RGS7BP: variants seen among roughly 807,000 people sequenced by gnomAD.
The protein encoded by RGS7BP is regulator of G protein signaling 7-binding protein.
Under a neutral mutation model 31.3 loss-of-function variants are expected in RGS7BP, and 9 were observed. That is an observed-to-expected ratio of 0.29 (90% CI 0.17 to 0.50). RGS7BP has a LOEUF of 0.50. Among genes scored for constraint, RGS7BP ranks in the 20% least tolerant of loss-of-function variants. The probability of loss-of-function intolerance (pLI) is 0.98; values close to 1 mark genes in which losing one functional copy is unlikely to be tolerated. For missense variants in RGS7BP, 274 were observed against 322.0 expected, an observed-to-expected ratio of 0.85 and a Z score of 1.14; for synonymous variants, 115 against 120.1, an observed-to-expected ratio of 0.96 and a Z score of 0.28.
intron 2 of RGS7BP, among the ~76,000 whole-genome samples, chr5:64,530,420 T>TA (rs1484675309): frequency 2.0e-5 from 3 of 152,252 alleles, no homozygotes; most frequent in Non-Finnish European, 4.4e-5. Flanking sequence ...GCTTTCGTGA[T>TA]AAAAATAATC....
chr5:64,550,887 A>G (rs1368548516), intron 2 of RGS7BP, among the ~76,000 whole-genome samples: 3 of 151,744 alleles, frequency 2.0e-5, no homozygotes, highest in African/African-American at 7.3e-5. Flanking sequence ...AGTTTCATCC[A>G]TGTCCTTACA....
intron 2 of RGS7BP, among the ~76,000 whole-genome samples, chr5:64,571,816 TG>T (rs1742306919): frequency 6.6e-6 from 1 of 152,156 alleles, no homozygotes; most frequent in Non-Finnish European, 1.5e-5. Context: ...ATTTATAATT[TG>T]GTCATTATTT....
At position 64,611,585 on chromosome 5, in the gene RGS7BP, G is replaced by C. The variant is rs1440384557; in HGVS notation, c.*2333G>C. The stretch of plus-strand genomic sequence containing the variant: ...AGATGGGAATTTGTCTAATTACCTA[G>C]CCAGAGTTTGCATATTTAAGGTAAT... On this transcript the variant is annotated 3_prime_UTR_variant, in exon 6 of 6. Transcript: ENST00000334025. 6.6e-6 allele frequency: 1 copy of C among 152,216 alleles called. No individual in the cohort carries two copies. The highest frequency in any genetic ancestry group is 1.9e-4 in the East Asian group (1 of 5,158). 9.4% of individuals were successfully genotyped at this position (152,216 alleles called of 1,614,324 possible). A position where few individuals can be genotyped will look rare whatever the true frequency, so the allele number is the denominator to read the frequency against.
At chr5:64,507,953 C>A in intron 2 of RGS7BP, 76 bp downstream of exon 2, 1 of 1,225,626 alleles carries the variant, frequency 8.2e-7, no homozygotes, top group Non-Finnish European at 1.2e-6. Context: ...GTAGTCAAGT[C>A]CTCAGACATG....
At chr5:64,515,213 G>C (rs1329119867) in intron 2 of RGS7BP, among the ~76,000 whole-genome samples, 1 of 152,112 alleles carries the variant, frequency 6.6e-6, no homozygotes, top group African/African-American at 2.4e-5. Flanking sequence ...ACCAACTTTA[G>C]TAAGAATTGA....
intron 2 of RGS7BP, among the ~76,000 whole-genome samples, chr5:64,512,763 A>G (rs1236285266): frequency 1.3e-5 from 2 of 152,194 alleles, no homozygotes; most frequent in Admixed American, 1.3e-4. Context: ...ACATTCTGAG[A>G]CATTTTCTAG....
chr5:64,535,232 T>C, intron 2 of RGS7BP, among the ~76,000 whole-genome samples: 1 of 152,186 alleles, frequency 6.6e-6, no homozygotes, highest in Non-Finnish European at 1.5e-5. Flanking sequence ...CTTCTGCTCT[T>C]CATGGAAACA....
At chr5:64,575,609 G>A (rs1433892525) in intron 2 of RGS7BP, 165 bp from the exon 3 acceptor site, 1 of 1,282,686 alleles carries the variant, frequency 7.8e-7, no homozygotes, top group Non-Finnish European at 9.9e-7. Context: ...ACTTACATAA[G>A]AACTGTCACA....
At chr5:64,550,820 A>C (rs1741776632) in intron 2 of RGS7BP, among the ~76,000 whole-genome samples, 1 of 146,828 alleles carries the variant, frequency 6.8e-6, no homozygotes, top group Admixed American at 7.0e-5. Context: ...TATGAGTGAG[A>C]ACATGCGGTG....
chr5:64,533,523 G>A (rs143417192), intron 2 of RGS7BP, among the ~76,000 whole-genome samples: 1 of 152,172 alleles, frequency 6.6e-6, no homozygotes, highest in Non-Finnish European at 1.5e-5. Context: ...GGGACCACCT[G>A]GGGGGTGGGA....
intron 2 of RGS7BP, chr5:64,575,545 G>C (rs1742396631): frequency 1.9e-6 from 1 of 533,236 alleles, no homozygotes; most frequent in African/African-American, 2.0e-5. Flanking sequence ...TAAGCTCCCG[G>C]CAGAACTCTG....
At chr5:64,548,837 T>C (rs1279328871) in intron 2 of RGS7BP, among the ~76,000 whole-genome samples, 1 of 151,028 alleles carries the variant, frequency 6.6e-6, no homozygotes, top group African/African-American at 2.4e-5. Flanking sequence ...AAAGGCAAAG[T>C]CGAAAGCCCT....
At chr5:64,586,036 C>T (rs1213621390) in intron 3 of RGS7BP, among the ~76,000 whole-genome samples, 5 of 152,086 alleles carry the variant, frequency 3.3e-5, no homozygotes, top group African/African-American at 4.8e-5. Flanking sequence ...ACAACAACTC[C>T]CTTGGGCAAA....
In RGS7BP at chr5:64,609,415, T is replaced by G; in HGVS notation, c.*163T>G. 1.8e-6 allele frequency: 1 copy of G among 561,230 alleles called. No homozygotes were observed. Among genetic ancestry groups the G allele is most frequent in the South Asian group, 2.5e-5 (1 of 39,676 alleles). The allele number at this position is 561,230 out of a possible 1,614,324, so 34.8% of individuals were successfully genotyped here. A position where few individuals can be genotyped will look rare whatever the true frequency, so the allele number is the denominator to read the frequency against. On this transcript the variant is annotated 3_prime_UTR_variant, in exon 6 of 6. Transcript: ENST00000334025. ...CCTGCCCTTTTAAATGATTTTACACTTGAAAGCAGCTGCCGTCAAGAAAAA... is the reference window on the plus strand; with the variant it reads ...CCTGCCCTTTTAAATGATTTTACACGTGAAAGCAGCTGCCGTCAAGAAAAA...
intron 2 of RGS7BP, among the ~76,000 whole-genome samples, chr5:64,529,224 C>T (rs890123756): frequency 9.2e-5 from 14 of 152,122 alleles, no homozygotes; most frequent in African/African-American, 3.4e-4. Flanking sequence ...TAGAATATTT[C>T]ATTTCAGAAA....
At chr5:64,598,794 A>G (rs922663181) in intron 5 of RGS7BP, among the ~76,000 whole-genome samples, 7 of 152,222 alleles carry the variant, frequency 4.6e-5, no homozygotes, top group Admixed American at 3.9e-4. Flanking sequence ...AAAAATTAAC[A>G]TATATTGAGA....
At chr5:64,522,332 G>T (rs1031086275) in intron 2 of RGS7BP, among the ~76,000 whole-genome samples, 19 of 152,202 alleles carry the variant, frequency 1.2e-4, no homozygotes, top group African/African-American at 4.3e-4. Context: ...AAAGAGTATA[G>T]CTGGGGTAGT....
chr5:64,582,483 G>A (rs1742626767), intron 3 of RGS7BP, among the ~76,000 whole-genome samples: 1 of 152,156 alleles, frequency 6.6e-6, no homozygotes, highest in African/African-American at 2.4e-5. Context: ...GGTCCCCTCT[G>A]ACTCTGCTTG....
intron 5 of RGS7BP, 125 bp from the exon 6 acceptor site, chr5:64,609,036 A>C (rs1367137217): frequency 1.5e-6 from 1 of 684,586 alleles, no homozygotes; most frequent in African/African-American, 1.8e-5. Context: ...ATCTGGTCCA[A>C]AATGCCAACA....
Sources: allele counts gnomAD v4.1 joint callset (sites outside exome capture counted in the v4.1 genomes callset), GRCh38; gene constraint gnomAD v4.1.1; transcripts MANE v1.5; gene names NCBI Gene and HGNC (gene_info 2026-07-23, HGNC 2026-07-21).